ABCC12: variants seen among roughly 807,000 people sequenced by gnomAD.
ABCC12 encodes ATP-binding cassette sub-family C member 12.
Under a neutral mutation model 151.1 loss-of-function variants are expected in ABCC12, and 142 were observed. The observed-to-expected ratio is 0.94, with a 90% CI of 0.82 to 1.08. The LOEUF (loss-of-function observed/expected upper bound fraction) is 1.08, where lower values mean the gene tolerates loss of function less well. Ranked by LOEUF, ABCC12 falls within the 50% of genes least tolerant of loss-of-function variation. ABCC12 has a pLI of 0.00. For synonymous variants in ABCC12, 645 were observed against 646.4 expected, an observed-to-expected ratio of 1.00 and a Z score of 0.03; for missense variants, 1,638 against 1,691.1, an observed-to-expected ratio of 0.97 and a Z score of 0.55.
At chr16:48,113,094 G>A (rs1963755627) in intron 15 of ABCC12, among the ~76,000 whole-genome samples, 1 of 152,158 alleles carries the variant, frequency 6.6e-6, no homozygotes, top group African/African-American at 2.4e-5. Flanking sequence ...ATGGGCCAGA[G>A]GTCTTCCCTG....
At chr16:48,093,369 T>C (rs79574384) in intron 24 of ABCC12, among the ~76,000 whole-genome samples, 3,129 of 152,236 alleles carry the variant, frequency 0.021, 43 homozygotes, top group Non-Finnish European at 0.032. Context: ...CCGCTGAGCC[T>C]TTCCCTGAGG....
At chr16:48,089,273 T>C (rs947876087) in intron 25 of ABCC12, among the ~76,000 whole-genome samples, 4 of 152,256 alleles carry the variant, frequency 2.6e-5, no homozygotes, top group Admixed American at 2.6e-4. Flanking sequence ...CCTGGGAAAA[T>C]GTCAGAAGTG....
chr16:48,140,076 C>G (rs1234556954), intron 6 of ABCC12, among the ~76,000 whole-genome samples: 2 of 152,138 alleles, frequency 1.3e-5, no homozygotes, highest in Non-Finnish European at 2.9e-5. Flanking sequence ...GCAACTGAAT[C>G]TAATCATAAT....
At chr16:48,130,708 G>C (rs1964392155) in intron 10 of ABCC12, 80 bp downstream of exon 10, 1 of 1,132,566 alleles carries the variant, frequency 8.8e-7, no homozygotes, top group Non-Finnish European at 1.3e-6. Flanking sequence ...CCAGCAGCTT[G>C]GTACAGCCTC....
At chr16:48,110,867 C>T (rs1046712636) in intron 18 of ABCC12, among the ~76,000 whole-genome samples, 2 of 152,224 alleles carry the variant, frequency 1.3e-5, no homozygotes, top group African/African-American at 4.8e-5. Flanking sequence ...ATCCTGAGAA[C>T]ACGGGCATCT....
chr16:48,142,678 A>T (rs541753246), intron 4 of ABCC12, among the ~76,000 whole-genome samples: 8 of 152,318 alleles, frequency 5.3e-5, no homozygotes, highest in African/African-American at 1.4e-4. Flanking sequence ...TTATACATTT[A>T]ATCAGAACCA....
At chr16:48,132,861 A>G (rs1269795086) in intron 9 of ABCC12, among the ~76,000 whole-genome samples, 2 of 152,168 alleles carry the variant, frequency 1.3e-5, no homozygotes, top group Non-Finnish European at 2.9e-5. Flanking sequence ...TGTGGCTATT[A>G]TCGTCCCATT....
chr16:48,098,381 G>A lies in ABCC12; in HGVS notation c.3039-1479C>T, dbSNP rs1316086725. ...CCTAAGGAGGTACAATTCCTCCCCTGGCATAGCTGTGAATGGCCTCAGGCA... is the reference window on the plus strand; with the variant it reads ...CCTAAGGAGGTACAATTCCTCCCCTAGCATAGCTGTGAATGGCCTCAGGCA... On this transcript the variant is annotated intron_variant, in intron 23 of 30. Transcript: ENST00000311303. Among the ~76,000 whole-genome samples the A allele has an allele frequency of 2.0e-5, 3 of 152,138 alleles. No homozygotes were observed. The East Asian group carries it at 5.8e-4, about 29-fold the overall frequency.
At position 48,088,681 on chromosome 16, in the gene ABCC12, G is replaced by A. The variant is rs1286753820; in HGVS notation, c.3339C>T (p.Asp1113=). The change falls in exon 26 of 31, where the codon GAC becomes GAT. Residue 1113 remains aspartate, a synonymous_variant. Coordinates refer to ENST00000311303, the MANE Select transcript of ABCC12 (RefSeq NM_001393797.1). ...HPLKVGTCPK[D]WPSRGEITFR... The stretch of plus-strand genomic sequence containing the variant: ...AGGTGATCTCCCCACGGCTGGGCCA[G>A]TCCTTGGGACAGGTCCCCACTTTGA... 6.2e-7 allele frequency: 1 copy of A among 1,614,192 alleles called. No individual in the cohort carries two copies. The highest frequency in any genetic ancestry group is 8.5e-7 in the Non-Finnish European group (1 of 1,180,014).
chr16:48,109,440 C>T (rs938111875), intron 18 of ABCC12, among the ~76,000 whole-genome samples: 1 of 152,190 alleles, frequency 6.6e-6, no homozygotes, highest in Non-Finnish European at 1.5e-5. Flanking sequence ...ATGTCTCTTC[C>T]GCTCCTCCAC....
intron 8 of ABCC12, 89 bp from the exon 9 acceptor site, chr16:48,133,924 C>A: frequency 6.7e-7 from 1 of 1,488,354 alleles, no homozygotes; most frequent in Non-Finnish European, 9.2e-7. Context: ...TGGTCCTCTT[C>A]CAGATGGGCG....
Position 48,115,278 on chromosome 16 carries a change from G to A in ABCC12, c.1989+137C>T, listed in dbSNP as rs945395142. ...CCAGGAAGGCTGGGGAATCATGAGT[G>A]TCTCTTGCATCCCTGGCTCCCTCCC... On this transcript the variant is annotated intron_variant, in intron 15 of 30. Coordinates refer to ENST00000311303, the MANE Select transcript of ABCC12 (RefSeq NM_001393797.1). 115 of 1,023,586 alleles carry A rather than the reference G, an allele frequency of 1.1e-4. No homozygotes were observed. The African/African-American group carries it at 1.7e-3, about 15-fold the overall frequency. The allele number at this position is 1,023,586 out of a possible 1,614,324, so 63.4% of individuals were successfully genotyped here. A position where few individuals can be genotyped will look rare whatever the true frequency, so the allele number is the denominator to read the frequency against.
At chr16:48,111,540 A>G in intron 17 of ABCC12, 33 bp from the exon 18 acceptor site, 1 of 1,613,946 alleles carries the variant, frequency 6.2e-7, no homozygotes, top group Non-Finnish European at 8.5e-7. Context: ...ATCTGTGTCC[A>G]TTCAAGCCAA....
intron 11 of ABCC12, among the ~76,000 whole-genome samples, chr16:48,125,418 G>A (rs1032471481): frequency 2.0e-5 from 3 of 152,310 alleles, no homozygotes; most frequent in East Asian, 1.9e-4. Context: ...CCTTGGGCAC[G>A]GATGCAGATA....
intron 2 of ABCC12, among the ~76,000 whole-genome samples, chr16:48,152,930 T>C (rs1046683121): frequency 1.3e-5 from 2 of 152,174 alleles, no homozygotes; most frequent in Non-Finnish European, 2.9e-5. Context: ...CAAGCCTGGA[T>C]TGGATGCTTG....
intron 8 of ABCC12, among the ~76,000 whole-genome samples, chr16:48,134,167 C>T (rs139880109): frequency 0.015 from 2,351 of 152,236 alleles, 37 homozygotes; most frequent in Middle Eastern, 0.027. Flanking sequence ...AAGACCAGAG[C>T]GGGGCTCTGC....
intron 26 of ABCC12, 50 bp downstream of exon 26, chr16:48,088,493 GGA>G (rs1309516353): frequency 6.3e-7 from 1 of 1,575,754 alleles, no homozygotes; most frequent in East Asian, 2.2e-5. Context: ...GACATCCAGT[GGA>G]AATCCAAAGA....
chr16:48,091,166 G>C lies in ABCC12; in HGVS notation c.3239C>G (p.Thr1080Arg), dbSNP rs775590701. The C allele has an allele frequency of 5.0e-6, 8 of 1,614,016 alleles. No individual in the cohort carries two copies. In the Admixed American group the frequency reaches 6.7e-5, roughly 13 times the overall value. ...CTCCACGGAGGTGAATTTGGCTTGCGTCTCTGTTCCCGTTCGCACACACAC... is the reference window on the plus strand; with the variant it reads ...CTCCACGGAGGTGAATTTGGCTTGCCTCTCTGTTCCCGTTCGCACACACAC... ...LQVCVRTGTE[T>R]QAKFTSVELL... is the part of the protein sequence containing the mutation. Residue 1080 changes from threonine to arginine, a missense_variant, in exon 25 of 31, where the codon ACG (threonine) becomes AGG (arginine). By Grantham distance (71) the Thr-to-Arg change is moderately conservative (BLOSUM62 -1). Transcript: ENST00000311303.
intron 3 of ABCC12, 100 bp from the exon 4 acceptor site, chr16:48,144,165 A>G (rs1271605595): frequency 2.2e-6 from 3 of 1,385,418 alleles, no homozygotes; most frequent in Admixed American, 2.3e-5. Context: ...CCACAGCTGC[A>G]CTCAGAATCT....
Sources: gnomAD v4.1 joint callset for allele counts (sites outside exome capture counted in the v4.1 genomes callset) on GRCh38, gnomAD v4.1.1 for gene constraint, MANE v1.5 for transcripts, NCBI Gene and HGNC (gene_info 2026-07-23, HGNC 2026-07-21) for gene names.